Variants in KIAA1549 observed in about 807,000 individuals in gnomAD.
KIAA1549 encodes the protein KIAA1549, also known as UPF0606 protein KIAA1549.
In KIAA1549, 70 loss-of-function variants were observed where a neutral mutation model predicts 156.4. That is an observed-to-expected ratio of 0.45 (90% confidence interval 0.37 to 0.55). The LOEUF (loss-of-function observed/expected upper bound fraction) is 0.55, where lower values mean the gene tolerates loss of function less well. Ranked by LOEUF, KIAA1549 falls within the 20% of genes least tolerant of loss-of-function variation. The pLI, the probability that KIAA1549 is intolerant of heterozygous loss-of-function variation, is 0.00. For missense variants in KIAA1549, 2,428 were observed against 2,540.9 expected (o/e 0.96, Z 0.96); for synonymous variants, 1,103 against 1,066.4 (o/e 1.03, Z -0.67).
intron 8 of KIAA1549, among the ~76,000 whole-genome samples, chr7:138,901,645 CCACT>C (rs776456073): frequency 1.7e-4 from 26 of 152,108 alleles, no homozygotes; most frequent in Non-Finnish European, 2.9e-4. Flanking sequence ...TTTTTCTATA[CCACT>C]CACTAATTTT....
At chr7:138,965,493 G>A (rs909542304) in intron 1 of KIAA1549, among the ~76,000 whole-genome samples, 9 of 152,088 alleles carry the variant, frequency 5.9e-5, no homozygotes, top group African/African-American at 1.7e-4. Flanking sequence ...GCCCGGCAAC[G>A]TTTTCTTATA....
At chr7:138,862,992 G>A (rs1167416238) in intron 15 of KIAA1549, among the ~76,000 whole-genome samples, 3 of 152,166 alleles carry the variant, frequency 2.0e-5, no homozygotes, top group African/African-American at 7.2e-5. Flanking sequence ...TGCTTAAGAG[G>A]TAGAAATATA....
rs752123623 is a variant in KIAA1549, at chr7:138,861,455, G to A, written c.4931C>T (p.Ser1644Leu). 1.2e-5 allele frequency: 20 copies of A among 1,604,836 alleles called. No homozygotes were observed. Among genetic ancestry groups the A allele is most frequent in the Non-Finnish European group, 1.7e-5 (20 of 1,175,666 alleles). ...VHNSAYIGCP[S>L]DPDLPADVQT... ...CACATCGGCTGGGAGGTCAGGATCC[G>A]ACTACAATGAGAAATGGCAAAGGAA... Residue 1644 changes from serine to leucine, a missense_variant and splice_region_variant, in exon 16 of 20, where the codon TCG becomes TTG. Physicochemically the swap from Ser to Leu is moderately radical, Grantham distance 145. Around this residue, in one of 5 missense-constraint regions of KIAA1549, gnomAD observed 404 missense variants for 417.0 expected, o/e 0.97. Coordinates refer to ENST00000422774, the MANE Select transcript of KIAA1549 (RefSeq NM_001164665.2).
At chr7:138,854,352 C>A (rs1315611209) in intron 16 of KIAA1549, among the ~76,000 whole-genome samples, 1 of 152,146 alleles carries the variant, frequency 6.6e-6, no homozygotes, top group African/African-American at 2.4e-5. Flanking sequence ...TTTGTACTTG[C>A]TACTCAAAGG....
rs1813201261 is a variant in KIAA1549, at chr7:138,942,095, A to G, written c.188-22657T>C. Among the ~76,000 whole-genome samples, 3 of 152,102 alleles carry G rather than the reference A, an allele frequency of 2.0e-5. No individual in the cohort carries two copies. In the South Asian group the frequency reaches 6.2e-4, roughly 32 times the overall value. On this transcript the variant is annotated intron_variant, in intron 1 of 19. Coordinates refer to ENST00000422774, the MANE Select transcript of KIAA1549 (RefSeq NM_001164665.2). Reference sequence around the variant, plus strand: ...ATTGGTGAAAAACCCGAGGCTCCAAAAGATTAAGTAACTTGTTCAAGTCCC... The same window carrying G: ...ATTGGTGAAAAACCCGAGGCTCCAAGAGATTAAGTAACTTGTTCAAGTCCC...
chr7:138,875,196 A>G (rs1811045703), intron 12 of KIAA1549, among the ~76,000 whole-genome samples: 1 of 152,226 alleles, frequency 6.6e-6, no homozygotes, highest in African/African-American at 2.4e-5. Context: ...ATCACACAGT[A>G]TATTCATACA....
Position 138,953,154 on chromosome 7 carries a change from G to T in KIAA1549, c.187+27929C>A, listed in dbSNP as rs199634993. Among the ~76,000 whole-genome samples, 15 of 152,262 alleles carry T rather than the reference G, an allele frequency of 9.9e-5. No homozygotes were observed. In the East Asian group the frequency reaches 2.9e-3, roughly 29 times the overall value. ...GTGGATCACCTGAGGCCAGAAGTTC[G>T]AGACCAGCCTGGCCAACATGGTAAA... On this transcript the variant is annotated intron_variant, in intron 1 of 19. Transcript: ENST00000422774.
chr7:138,908,320 T>C (rs1048409989), intron 5 of KIAA1549, among the ~76,000 whole-genome samples: 3 of 152,130 alleles, frequency 2.0e-5, no homozygotes, highest in Admixed American at 1.3e-4. Context: ...CACTGCATCA[T>C]CGCAGGAAAG....
At chr7:138,974,149 G>A (rs1478424290) in intron 1 of KIAA1549, among the ~76,000 whole-genome samples, 2 of 152,306 alleles carry the variant, frequency 1.3e-5, no homozygotes, top group Middle Eastern at 3.4e-3. Flanking sequence ...AAATTGCTCA[G>A]CATCCCTAAT....
At chr7:138,893,887 A>G (rs1584736111) in intron 10 of KIAA1549, among the ~76,000 whole-genome samples, 1 of 152,354 alleles carries the variant, frequency 6.6e-6, no homozygotes, top group African/African-American at 2.4e-5. Flanking sequence ...CCTCGCCAAC[A>G]TGGCAAAACC....
At chr7:138,924,136 G>A (rs958385104) in intron 1 of KIAA1549, among the ~76,000 whole-genome samples, 3 of 150,662 alleles carry the variant, frequency 2.0e-5, no homozygotes, top group Non-Finnish European at 4.4e-5. Context: ...AAGAAAACAC[G>A]ATACTTATTA....
In KIAA1549 at chr7:138,837,110, T is replaced by C; in HGVS notation, c.*796A>G. The C allele has an allele frequency of 4.4e-6, 1 of 228,096 alleles. No homozygotes were observed. 14.1% of individuals were successfully genotyped at this position (228,096 alleles called of 1,614,324 possible). ...GAAACAGCAAATACAATGAAGAATGTAGATCTAAACTTTGATCTGTATTTT... is the reference window on the plus strand; with the variant it reads ...GAAACAGCAAATACAATGAAGAATGCAGATCTAAACTTTGATCTGTATTTT... On this transcript the variant is annotated 3_prime_UTR_variant, in exon 20 of 20. Coordinates refer to ENST00000422774, the MANE Select transcript of KIAA1549 (RefSeq NM_001164665.2).
intron 1 of KIAA1549, among the ~76,000 whole-genome samples, chr7:138,954,157 TAGAC>T (rs1813587783): frequency 6.6e-6 from 1 of 152,212 alleles, no homozygotes; most frequent in African/African-American, 2.4e-5. Context: ...TATACGATGG[TAGAC>T]AGAAATTGCT....
At chr7:138,971,451 C>T (rs896768989) in intron 1 of KIAA1549, among the ~76,000 whole-genome samples, 1 of 152,292 alleles carries the variant, frequency 6.6e-6, no homozygotes. Context: ...CAGGAGCTTT[C>T]ACTCCTGCCC....
intron 10 of KIAA1549, among the ~76,000 whole-genome samples, chr7:138,883,089 TAAAAAAAAAAA>T (rs1201752539): frequency 1.9e-4 from 9 of 47,074 alleles, no homozygotes; most frequent in Middle Eastern, 0.029. Context: ...CCATCTCCCC[TAAAAAAAAAAA>T]AAAAAAAAAA....
chr7:138,867,701 G>A (rs1175560854), intron 15 of KIAA1549, among the ~76,000 whole-genome samples: 1 of 152,202 alleles, frequency 6.6e-6, no homozygotes, highest in Non-Finnish European at 1.5e-5. Context: ...AGAGAACGGG[G>A]CTTACGTATA....
rs540257504 is a variant in KIAA1549 at position 138,949,132 on chromosome 7, A to G, written c.188-29694T>C. Among the ~76,000 whole-genome samples, 6 of 152,184 alleles carry G rather than the reference A, an allele frequency of 3.9e-5. No individual in the cohort carries two copies. In the East Asian group the frequency reaches 1.2e-3, roughly 29 times the overall value. On this transcript the variant is annotated intron_variant, in intron 1 of 19. Transcript: ENST00000422774. ...CTATCTCTAATCTACAAGTCTCCAC[A>G]CTCTCGAAAAAATCGTTTTGAGACA...
At chr7:138,899,278 C>T in intron 8 of KIAA1549, 146 bp from the exon 9 acceptor site, 1 of 705,572 alleles carries the variant, frequency 1.4e-6, no homozygotes, top group Non-Finnish European at 2.5e-6. Context: ...CCCAGAATCA[C>T]CATGGTGCTC....
At chr7:138,847,343 G>T (rs1418890986) in intron 17 of KIAA1549, among the ~76,000 whole-genome samples, 2 of 152,118 alleles carry the variant, frequency 1.3e-5, no homozygotes, top group Admixed American at 6.5e-5. Context: ...AGCTCACCTC[G>T]CCAGTTTTAC....
Sources: allele counts gnomAD v4.1 joint callset (sites outside exome capture counted in the v4.1 genomes callset), GRCh38; gene constraint gnomAD v4.1.1; regional missense constraint gnomAD v4.1.1; transcripts MANE v1.5; gene names NCBI Gene and HGNC (gene_info 2026-07-23, HGNC 2026-07-21).